Variants in ZNF451 observed in about 807,000 individuals in gnomAD.
ZNF451 encodes the protein E3 SUMO-protein ligase ZNF451.
A neutral mutation model predicts 107.1 loss-of-function variants in ZNF451; 80 were observed. That is an observed-to-expected ratio of 0.75 (90% CI 0.62 to 0.90). The LOEUF is 0.90. Ranked by LOEUF, ZNF451 falls within the 40% of genes least tolerant of loss-of-function variation. The pLI is 0.00. For synonymous variants in ZNF451, 362 were observed against 406.5 expected, an observed-to-expected ratio of 0.89 and a Z score of 1.32; for missense variants, 1,107 against 1,236.2, an observed-to-expected ratio of 0.90 and a Z score of 1.57.
At chr6:57,142,804 C>T (rs1831837701) in intron 9 of ZNF451, among the ~76,000 whole-genome samples, 1 of 152,122 alleles carries the variant, frequency 6.6e-6, no homozygotes, top group Non-Finnish European at 1.5e-5. Flanking sequence ...TAGTTTCATT[C>T]CTACAGGTAA....
chr6:57,114,805 G>A (rs1830286108), intron 3 of ZNF451: 1 of 151,858 alleles, frequency 6.6e-6, no homozygotes, highest in South Asian at 2.1e-4. Context: ...ATTAAAATTA[G>A]TTAACAATTT....
intron 3 of ZNF451, chr6:57,103,869 A>G (rs1593085799): frequency 1.0e-6 from 1 of 985,228 alleles, no homozygotes; most frequent in Non-Finnish European, 1.2e-6. Context: ...TCATAACCAT[A>G]TTCAGCACCC....
intron 5 of ZNF451, 69 bp downstream of exon 5, chr6:57,128,909 T>C: frequency 9.1e-7 from 1 of 1,104,638 alleles, no homozygotes; most frequent in Admixed American, 2.2e-5. Context: ...GTACGTCTGT[T>C]TTATGCTATT....
chr6:57,147,444 TA>T lies in ZNF451; in HGVS notation c.1363del (p.Ser455AlafsTer14). ...CAAAAAAGAAGATGAATTTAAAAGA[TA>T]AAAGCCATGAAGGTGTTGCTTGTGT... is the stretch of plus-strand genomic sequence containing the variant. The part of the protein sequence containing the change: ...IPKKKMNLKD[K>X]SHEGVACVQK... On this transcript the variant is annotated frameshift_variant, in exon 10 of 15. Transcript: ENST00000370706. LOFTEE classifies it high-confidence loss of function. 2 of 1,614,076 alleles carry T rather than the reference TA, an allele frequency of 1.2e-6. No individual in the cohort carries two copies. Among genetic ancestry groups the T allele is most frequent in the African/African-American group, 1.3e-5 (1 of 75,034 alleles).
chr6:57,154,875 G>A (rs1015451118), intron 13 of ZNF451, among the ~76,000 whole-genome samples: 1 of 151,958 alleles, frequency 6.6e-6, no homozygotes, highest in Non-Finnish European at 1.5e-5. Flanking sequence ...AAGCTTTCAA[G>A]TCTGCTTGCC....
intron 11 of ZNF451, 123 bp downstream of exon 11, chr6:57,150,985 T>C (rs931465809): frequency 1.7e-6 from 2 of 1,188,720 alleles, no homozygotes; most frequent in Non-Finnish European, 2.4e-6. Flanking sequence ...ATATTGTTCT[T>C]TTGTATTATA....
At chr6:57,109,187 G>A (rs566344900) in intron 3 of ZNF451, 170 of 985,060 alleles carry the variant, frequency 1.7e-4, no homozygotes, top group South Asian at 2.8e-4. Context: ...TTCTTGATTC[G>A]TAGTCATTGG....
intron 3 of ZNF451, among the ~76,000 whole-genome samples, chr6:57,100,016 G>A (rs561089756): frequency 1.2e-4 from 18 of 152,302 alleles, no homozygotes; most frequent in African/African-American, 4.3e-4. Context: ...GGGTTGTTGT[G>A]AGGATGAAAT....
chr6:57,111,353 T>C (rs1004652637), intron 3 of ZNF451, among the ~76,000 whole-genome samples: 1 of 151,072 alleles, frequency 6.6e-6, no homozygotes, highest in African/African-American at 2.4e-5. Context: ...ATATTCAGAG[T>C]TACTGTGGGG....
At chr6:57,096,079 C>T (rs2127933464) in intron 2 of ZNF451, among the ~76,000 whole-genome samples, 1 of 152,130 alleles carries the variant, frequency 6.6e-6, no homozygotes, top group African/African-American at 2.4e-5. Context: ...CTGCCTTGGC[C>T]TCCCAAAGTG....
chr6:57,142,469 G>A (rs1301843919), intron 9 of ZNF451, among the ~76,000 whole-genome samples: 1 of 152,176 alleles, frequency 6.6e-6, no homozygotes, highest in East Asian at 1.9e-4. Flanking sequence ...AAGTAACCAA[G>A]AAAGAGTCCA....
At chr6:57,103,201 G>A in intron 3 of ZNF451, 6 of 985,370 alleles carry the variant, frequency 6.1e-6, no homozygotes, top group Non-Finnish European at 7.2e-6. Flanking sequence ...AATAAAGAGG[G>A]ATACCATCAG....
intron 7 of ZNF451, among the ~76,000 whole-genome samples, chr6:57,139,785 G>A (rs1831663198): frequency 6.6e-6 from 1 of 152,216 alleles, no homozygotes; most frequent in South Asian, 2.1e-4. Context: ...GCTTATGCCT[G>A]TAATCTCAGC....
At chr6:57,097,907 A>G (rs1174222861) in intron 2 of ZNF451, among the ~76,000 whole-genome samples, 7 of 151,574 alleles carry the variant, frequency 4.6e-5, no homozygotes, top group East Asian at 1.9e-4. Flanking sequence ...CTTAGAGATC[A>G]CTGACTCCTT....
rs923423129 is a variant in ZNF451, at chr6:57,104,665, G to A, written c.186+5524G>A. 158 of 984,906 alleles carry A rather than the reference G, an allele frequency of 1.6e-4. No homozygotes were observed. The African/African-American group carries it at 2.6e-3, about 16-fold the overall frequency. 61.0% of individuals were successfully genotyped at this position (984,906 alleles called of 1,614,324 possible). A position where few individuals can be genotyped will look rare whatever the true frequency, so the allele number is the denominator to read the frequency against. ...ACCTTAACCATTTTTTAAGCGTATG[G>A]TAGTGTTGACTATATTTGCATTGTT... is the stretch of plus-strand genomic sequence containing the variant. On this transcript the variant is annotated intron_variant, in intron 3 of 14. Coordinates refer to ENST00000370706, the MANE Select transcript of ZNF451 (RefSeq NM_001031623.3).
At position 57,153,971 on chromosome 6, in the gene ZNF451, T is replaced by C. The variant is rs1262012786; in HGVS notation, c.2994T>C (p.Ala998=). ...AATTTAAGAAGACTCAGAGGCCAGC[T>C]CATATACTAAACCCTCACCACTTAG... ...ENQFKKTQRP[A]HILNPHHLEG... is the part of the protein sequence containing the mutation. The change falls in exon 13 of 15, where the codon GCT becomes GCC. Residue 998 remains alanine, a synonymous_variant. Coordinates refer to ENST00000370706, the MANE Select transcript of ZNF451 (RefSeq NM_001031623.3). 6.2e-7 allele frequency: 1 copy of C among 1,614,182 alleles called. No individual in the cohort carries two copies. Among genetic ancestry groups the C allele is most frequent in the Non-Finnish European group, 8.5e-7 (1 of 1,180,024 alleles).
intron 3 of ZNF451, among the ~76,000 whole-genome samples, chr6:57,118,407 A>T (rs577337390): frequency 2.0e-5 from 3 of 152,310 alleles, no homozygotes; most frequent in African/African-American, 7.2e-5. Context: ...TTTAAATTAA[A>T]GTTTATATTT....
intron 3 of ZNF451, chr6:57,101,709 C>A: frequency 6.4e-7 from 1 of 1,550,582 alleles, no homozygotes. Context: ...TGGATGCAGG[C>A]CTTTGGCAAC....
chr6:57,114,846 A>G (rs925923585), intron 3 of ZNF451: 3 of 152,322 alleles, frequency 2.0e-5, no homozygotes, highest in African/African-American at 7.2e-5. Context: ...GAAAAATTAG[A>G]AAATAAATGT....
Sources: gnomAD v4.1 joint callset for allele counts (sites outside exome capture counted in the v4.1 genomes callset) on GRCh38, gnomAD v4.1.1 for gene constraint, MANE v1.5 for transcripts, NCBI Gene and HGNC (gene_info 2026-07-23, HGNC 2026-07-21) for gene names.